The following NPAS3 variants were observed in gnomAD, a reference collection of about 807,000 sequenced individuals.
NPAS3 encodes the protein neuronal PAS domain protein 3.
Under a neutral mutation model 73.1 loss-of-function variants are expected in NPAS3, and 14 were observed. The observed-to-expected ratio is 0.19, with a 90% CI of 0.13 to 0.30. The LOEUF (loss-of-function observed/expected upper bound fraction) is 0.30, where lower values mean the gene tolerates loss of function less well. Ranked by LOEUF, NPAS3 falls within the 10% of genes least tolerant of loss-of-function variation. NPAS3 has a pLI of 1.00. For missense variants in NPAS3, 1,096 were observed against 1,250.0 expected (o/e 0.88, Z 1.86); for synonymous variants, 620 against 541.5 (o/e 1.14, Z -2.01).
chr14:33,641,032 C>T (rs1225485220), intron 5 of NPAS3, among the ~76,000 whole-genome samples: 1 of 152,090 alleles, frequency 6.6e-6, no homozygotes, highest in Non-Finnish European at 1.5e-5. Flanking sequence ...TTTTTAGTAT[C>T]TTCTGTATAC....
intron 3 of NPAS3, among the ~76,000 whole-genome samples, chr14:33,327,192 C>A (rs2043747286): frequency 6.6e-6 from 1 of 152,172 alleles, no homozygotes; most frequent in Non-Finnish European, 1.5e-5. Flanking sequence ...GTTTGAAAGG[C>A]TTCTGTACCT....
intron 3 of NPAS3, among the ~76,000 whole-genome samples, chr14:33,294,622 T>A (rs890005086): frequency 6.6e-6 from 1 of 152,232 alleles, no homozygotes; most frequent in African/African-American, 2.4e-5. Flanking sequence ...GTGATCAGCA[T>A]GTATTTAATC....
rs146010822 is a variant in NPAS3, at chr14:33,203,267, C to T, written c.141-11915C>T. Among the ~76,000 whole-genome samples, 45 of 152,342 alleles carry T rather than the reference C, an allele frequency of 3.0e-4. 2 individuals are homozygous for T. Among genetic ancestry groups the T allele is most frequent in the Middle Eastern group, 3.4e-3 (1 of 294 alleles). On this transcript the variant is annotated intron_variant, in intron 2 of 11. Transcript: ENST00000356141. The stretch of plus-strand genomic sequence containing the variant: ...AAAAAGTCCTAAAGAATGTCTCTTA[C>T]TCCTGTGCTACTTAATTTCTGAGGC...
At chr14:33,195,341 T>C (rs987360123) in intron 2 of NPAS3, among the ~76,000 whole-genome samples, 2 of 152,090 alleles carry the variant, frequency 1.3e-5, no homozygotes, top group African/African-American at 4.8e-5. Context: ...CGCAGTCTTG[T>C]CTCACTGCAA....
At chr14:33,241,687 C>T (rs748717290) in intron 3 of NPAS3, among the ~76,000 whole-genome samples, 5 of 151,848 alleles carry the variant, frequency 3.3e-5, no homozygotes, top group Non-Finnish European at 7.4e-5. Context: ...ATTTAGTTTC[C>T]AATATTCAGG....
At chr14:33,662,128 G>C (rs1341417276) in intron 5 of NPAS3, among the ~76,000 whole-genome samples, 1 of 152,170 alleles carries the variant, frequency 6.6e-6, no homozygotes, top group Non-Finnish European at 1.5e-5. Context: ...ACAACCTAAA[G>C]CAAAACTTTG....
At chr14:33,756,284 G>A (rs554886640) in intron 7 of NPAS3, among the ~76,000 whole-genome samples, 1 of 152,144 alleles carries the variant, frequency 6.6e-6, no homozygotes, top group Non-Finnish European at 1.5e-5. Context: ...CTACTACATA[G>A]TGAATGCCCT....
At chr14:33,398,127 A>G (rs1447677399) in intron 4 of NPAS3, among the ~76,000 whole-genome samples, 1 of 147,796 alleles carries the variant, frequency 6.8e-6, no homozygotes, top group East Asian at 1.9e-4. Context: ...GCTGGGTCTT[A>G]GAGAGAAGGT....
chr14:33,029,167 G>A (rs767273497), intron 1 of NPAS3, among the ~76,000 whole-genome samples: 5 of 152,084 alleles, frequency 3.3e-5, no homozygotes, highest in African/African-American at 7.2e-5. Flanking sequence ...GGAGTGAGGC[G>A]GGTAGGGATA....
intron 4 of NPAS3, among the ~76,000 whole-genome samples, chr14:33,421,185 A>G (rs1171276206): frequency 6.6e-6 from 1 of 151,780 alleles, no homozygotes; most frequent in Non-Finnish European, 1.5e-5. Flanking sequence ...ATTTTTCAGA[A>G]CCCTTGTTTT....
chr14:33,305,887 G>A (rs1383141006), intron 3 of NPAS3, among the ~76,000 whole-genome samples: 1 of 152,078 alleles, frequency 6.6e-6, no homozygotes, highest in Middle Eastern at 3.2e-3. Context: ...TCTATGCCTG[G>A]TATTCTCTGA....
chr14:33,290,579 G>A (rs2042060108), intron 3 of NPAS3, among the ~76,000 whole-genome samples: 1 of 152,178 alleles, frequency 6.6e-6, no homozygotes. Flanking sequence ...CTCAGCAGTT[G>A]CATTTCCTTC....
intron 6 of NPAS3, among the ~76,000 whole-genome samples, chr14:33,695,378 T>A (rs1363734195): frequency 6.6e-6 from 1 of 152,106 alleles, no homozygotes; most frequent in Admixed American, 6.6e-5. Context: ...TTTCCCAAAG[T>A]GAAAATAATA....
chr14:33,443,920 T>C (rs980639552), intron 4 of NPAS3, among the ~76,000 whole-genome samples: 6 of 152,192 alleles, frequency 3.9e-5, no homozygotes, highest in Non-Finnish European at 8.8e-5. Flanking sequence ...GTTAACCTTT[T>C]ATGTGAAAAT....
intron 2 of NPAS3, among the ~76,000 whole-genome samples, chr14:33,210,154 C>G (rs950418979): frequency 1.3e-5 from 2 of 152,070 alleles, no homozygotes; most frequent in African/African-American, 4.8e-5. Flanking sequence ...ATCAATTTTT[C>G]AAAGCTAAAT....
chr14:33,187,337 C>T (rs1661392325), intron 2 of NPAS3, among the ~76,000 whole-genome samples: 1 of 152,138 alleles, frequency 6.6e-6, no homozygotes. Context: ...TGCACACTAC[C>T]CTCACCTGAA....
chr14:33,747,933 C>A (rs917280801), intron 7 of NPAS3, among the ~76,000 whole-genome samples: 1 of 152,158 alleles, frequency 6.6e-6, no homozygotes, highest in African/African-American at 2.4e-5. Flanking sequence ...TCCTTCTGCA[C>A]CCCATCATCT....
At chr14:33,778,538 A>G in exon 9 of NPAS3, 1 of 1,613,892 alleles carries the variant, frequency 6.2e-7, no homozygotes. Context: ...TCCATGCTGA[A>G]GACGTGGAGG....
At chr14:33,726,364 C>T (rs1226317910) in intron 6 of NPAS3, among the ~76,000 whole-genome samples, 1 of 152,150 alleles carries the variant, frequency 6.6e-6, no homozygotes, top group Non-Finnish European at 1.5e-5. Flanking sequence ...GACAAAAATT[C>T]AAAAGATAAC....
Sources: gnomAD v4.1 joint callset for allele counts (sites outside exome capture counted in the v4.1 genomes callset) on GRCh38, gnomAD v4.1.1 for gene constraint, MANE v1.5 for transcripts, NCBI Gene and HGNC (gene_info 2026-07-23, HGNC 2026-07-21) for gene names.